Variants in GAS7 observed in about 807,000 individuals in gnomAD.
GAS7 encodes the protein growth arrest specific 7.
Under a neutral mutation model 71.1 loss-of-function variants are expected in GAS7, and 28 were observed. That is an observed-to-expected ratio of 0.39 (90% CI 0.29 to 0.54). GAS7 has a LOEUF of 0.54. Ranked by LOEUF, GAS7 falls within the 20% of genes least tolerant of loss-of-function variation. GAS7 has a pLI of 0.62. For missense variants in GAS7, 436 were observed against 627.8 expected, an observed-to-expected ratio of 0.69 and a Z score of 3.27; for synonymous variants, 258 against 245.8, an observed-to-expected ratio of 1.05 and a Z score of -0.46.
intron 1 of GAS7, among the ~76,000 whole-genome samples, chr17:10,095,894 C>A (rs934781579): frequency 5.9e-5 from 9 of 152,120 alleles, no homozygotes; most frequent in African/African-American, 2.2e-4. Context: ...TTAACCCAGT[C>A]CTTTCCCTTC....
At chr17:10,166,603 T>C (rs1391606681) in intron 1 of GAS7, among the ~76,000 whole-genome samples, 2 of 152,230 alleles carry the variant, frequency 1.3e-5, no homozygotes, top group South Asian at 2.1e-4. Flanking sequence ...CCAGACTTTC[T>C]TTTATGTGCA....
chr17:10,053,824 A>G (rs535259858), intron 1 of GAS7, among the ~76,000 whole-genome samples: 1 of 152,272 alleles, frequency 6.6e-6, no homozygotes, highest in East Asian at 1.9e-4. Flanking sequence ...AAAGGAGAGG[A>G]GAAAGTGACA....
chr17:10,152,898 G>C (rs1408002811), intron 1 of GAS7, among the ~76,000 whole-genome samples: 1 of 152,132 alleles, frequency 6.6e-6, no homozygotes, highest in South Asian at 2.1e-4. Flanking sequence ...CACTTCTTCA[G>C]AAATCAATGA....
intron 1 of GAS7, among the ~76,000 whole-genome samples, chr17:10,193,893 T>C (rs1192328442): frequency 6.6e-6 from 1 of 152,108 alleles, no homozygotes; most frequent in Admixed American, 6.6e-5. Flanking sequence ...TAATAAGAAA[T>C]TGTTGCTTTG....
chr17:10,086,912 A>C (rs1256193542), intron 1 of GAS7, among the ~76,000 whole-genome samples: 1 of 152,178 alleles, frequency 6.6e-6, no homozygotes. Flanking sequence ...AAGCAACCCC[A>C]GTGTCCCTAC....
At chr17:10,141,172 G>A (rs890098599) in intron 1 of GAS7, among the ~76,000 whole-genome samples, 5 of 152,202 alleles carry the variant, frequency 3.3e-5, no homozygotes, top group Admixed American at 2.0e-4. Context: ...CTTAGGGGCC[G>A]GGCGCGGTGG....
intron 8 of GAS7, among the ~76,000 whole-genome samples, chr17:9,934,630 A>G (rs1033735038): frequency 6.6e-6 from 1 of 152,192 alleles, no homozygotes; most frequent in Non-Finnish European, 1.5e-5. Context: ...CTGTCCCCAG[A>G]GCTTTCACAT....
At chr17:10,000,195 G>C (rs920881023) in intron 2 of GAS7, among the ~76,000 whole-genome samples, 1 of 152,120 alleles carries the variant, frequency 6.6e-6, no homozygotes, top group African/African-American at 2.4e-5. Flanking sequence ...CAAATTTCTG[G>C]GTCTCACCCC....
intron 1 of GAS7, among the ~76,000 whole-genome samples, chr17:10,060,334 A>T (rs1169247187): frequency 6.6e-6 from 1 of 152,114 alleles, no homozygotes; most frequent in Non-Finnish European, 1.5e-5. Context: ...ATGAGCTGGG[A>T]GTGGGAGGAG....
intron 1 of GAS7, among the ~76,000 whole-genome samples, chr17:10,119,485 T>C (rs570347401): frequency 7.2e-5 from 11 of 152,348 alleles, no homozygotes; most frequent in African/African-American, 2.4e-4. Context: ...CCTACGACCA[T>C]GCCAATCATG....
rs1041143826 is a variant in GAS7 at position 10,026,103 on chromosome 17, G to A, written c.184-6206C>T. 1.3e-5 allele frequency: 12 copies of A among 944,966 alleles called. No homozygotes were observed. The highest frequency in any genetic ancestry group is 7.1e-5 in the African/African-American group (4 of 56,426). 58.5% of individuals were successfully genotyped at this position (944,966 alleles called of 1,614,324 possible). A position where few individuals can be genotyped will look rare whatever the true frequency, so the allele number is the denominator to read the frequency against. ...CAACCCGGATGCCACCTCCACCTCC[G>A]GGACTCTCTCCCCCTCCGGAGGTTT... On this transcript the variant is annotated intron_variant, in intron 1 of 13. Transcript: ENST00000432992. This position sits in a 1 kb window ranked among gnomAD's most constrained non-coding sequence, Gnocchi z 4.5.
At chr17:10,165,291 C>CAAAA (rs71365731) in intron 1 of GAS7, among the ~76,000 whole-genome samples, 43 of 77,608 alleles carry the variant, frequency 5.5e-4, no homozygotes, top group African/African-American at 1.7e-3. Context: ...GATTCCTTCT[C>CAAAA]AAAAAAAAAA....
intron 1 of GAS7, among the ~76,000 whole-genome samples, chr17:10,173,074 A>G (rs1051771877): frequency 2.6e-5 from 4 of 152,188 alleles, no homozygotes; most frequent in African/African-American, 9.7e-5. Flanking sequence ...AAATAAACCA[A>G]ATACGAAGTC....
intron 1 of GAS7, among the ~76,000 whole-genome samples, chr17:10,193,381 C>G (rs1016095723): frequency 6.6e-6 from 1 of 152,088 alleles, no homozygotes; most frequent in African/African-American, 2.4e-5. Flanking sequence ...TACCTCCTCA[C>G]TAATGGATCA....
chr17:10,142,646 C>G (rs1316912922), intron 1 of GAS7, among the ~76,000 whole-genome samples: 2 of 152,192 alleles, frequency 1.3e-5, no homozygotes, highest in Non-Finnish European at 2.9e-5. Context: ...GCCACCGTGC[C>G]TGGCCTATTA....
At chr17:10,101,620 C>T (rs1259312826) in intron 1 of GAS7, among the ~76,000 whole-genome samples, 2 of 152,328 alleles carry the variant, frequency 1.3e-5, no homozygotes, top group African/African-American at 4.8e-5. Context: ...TAAATCCCTG[C>T]ACCCCACACT....
At position 9,919,580 on chromosome 17, in the gene GAS7, G is replaced by T; in HGVS notation, c.1218+46C>A. On this transcript the variant is annotated intron_variant, in intron 12 of 13. Transcript: ENST00000432992. This position sits in a 1 kb window ranked among gnomAD's most constrained non-coding sequence, Gnocchi z 5.0. The stretch of plus-strand genomic sequence containing the variant: ...ACCAACAACCACCAGGGGCTGCTCT[G>T]TGTCAGCCTCTGTACTGCCATGTCC... The T allele has an allele frequency of 7.3e-7, 1 of 1,364,974 alleles. No homozygotes were observed. The highest frequency in any genetic ancestry group is 1.1e-6 in the Non-Finnish European group (1 of 952,048). The allele number at this position is 1,364,974 out of a possible 1,614,324, so 84.6% of individuals were successfully genotyped here.
At position 9,951,716 on chromosome 17, in the gene GAS7, C is replaced by T. The variant is rs1217964343; in HGVS notation, c.526-4733G>A. Among the ~76,000 whole-genome samples the T allele has an allele frequency of 2.9e-5, 4 of 137,158 alleles. No individual in the cohort carries two copies. The East Asian group carries it at 8.2e-4, about 28-fold the overall frequency. The allele number at this position is 137,158 out of a possible 152,430, so 90.0% of individuals were successfully genotyped here. ...CGGTTGCGGTGAGCCAAGATTGCGC[C>T]ATTGCATCATTCCAGCCTGGGCAAC... On this transcript the variant is annotated intron_variant, in intron 5 of 13. Coordinates refer to ENST00000432992, the MANE Select transcript of GAS7 (RefSeq NM_201433.2).
chr17:10,172,067 C>T (rs1050167779), intron 1 of GAS7, among the ~76,000 whole-genome samples: 1 of 152,202 alleles, frequency 6.6e-6, no homozygotes, highest in South Asian at 2.1e-4. Flanking sequence ...CTAAGAAAAG[C>T]ATACACCTCC....
Sources: allele counts gnomAD v4.1 joint callset (sites outside exome capture counted in the v4.1 genomes callset), GRCh38; gene constraint gnomAD v4.1.1; non-coding constraint Gnocchi (gnomAD v3.1); transcripts MANE v1.5; gene names NCBI Gene and HGNC (gene_info 2026-07-23, HGNC 2026-07-21).